Variants in FHIT observed in about 807,000 individuals in gnomAD.
FHIT encodes bis(5'-adenosyl)-triphosphatase.
In FHIT, 19 loss-of-function variants were observed where a neutral mutation model predicts 17.9. The observed-to-expected ratio is 1.06, with a 90% CI of 0.74 to 1.56. The LOEUF is 1.56. FHIT is among the 40% of genes most tolerant of loss of function. The probability of loss-of-function intolerance (pLI) is 0.00; values close to 1 mark genes in which losing one functional copy is unlikely to be tolerated. For synonymous variants in FHIT, 81 were observed against 69.7 expected (o/e 1.16, Z -0.81); for missense variants, 248 against 189.2 (o/e 1.31, Z -1.82).
chr3:59,972,843 A>G (rs575014533), intron 7 of FHIT, among the ~76,000 whole-genome samples: 3 of 152,214 alleles, frequency 2.0e-5, no homozygotes, highest in Admixed American at 2.0e-4. Flanking sequence ...ACAGAAGCAA[A>G]CCAGTATTTG....
intron 4 of FHIT, among the ~76,000 whole-genome samples, chr3:60,591,882 G>T (rs1248434854): frequency 6.6e-6 from 1 of 151,924 alleles, no homozygotes; most frequent in Admixed American, 6.6e-5. Flanking sequence ...ATGTGGCTTT[G>T]GGAGAAGAGA....
intron 7 of FHIT, among the ~76,000 whole-genome samples, chr3:59,953,753 T>G (rs1482850619): frequency 6.6e-6 from 1 of 152,204 alleles, no homozygotes; most frequent in Admixed American, 6.5e-5. Context: ...TCTCTGCATG[T>G]CAAAAACCTC....
rs148051966 is a variant in FHIT at position 60,775,782 on chromosome 3, T to C, written c.-18+46137A>G. On this transcript the variant is annotated intron_variant, in intron 4 of 9. Transcript: ENST00000492590. ...CAGCTGCCCACTGCTCCTCACTCCA[T>C]GCCGGGGCTGGGACACATGGCCTAA... 6.0e-3 allele frequency among the ~76,000 whole-genome samples: 906 copies of C among 152,256 alleles called. 12 individuals carry two copies. Among genetic ancestry groups the C allele is most frequent in the African/African-American group, 0.02 (844 of 41,552 alleles).
chr3:60,355,128 A>C (rs1699589978), intron 5 of FHIT, among the ~76,000 whole-genome samples: 1 of 152,222 alleles, frequency 6.6e-6, no homozygotes, highest in South Asian at 2.1e-4. Flanking sequence ...ACACACATGC[A>C]TACACAGAAT....
chr3:61,095,644 T>A (rs1017298306), intron 2 of FHIT, among the ~76,000 whole-genome samples: 2 of 151,964 alleles, frequency 1.3e-5, no homozygotes, highest in African/African-American at 2.4e-5. Flanking sequence ...CCTTAAAGCA[T>A]CTGTTTTAAA....
At chr3:59,822,779 T>G (rs756819456) in intron 8 of FHIT, among the ~76,000 whole-genome samples, 8 of 152,248 alleles carry the variant, frequency 5.3e-5, no homozygotes, top group Non-Finnish European at 1.2e-4. Flanking sequence ...CTGTTCCTTT[T>G]GCTGTGTAGA....
At chr3:60,546,581 A>G (rs2036373486) in intron 4 of FHIT, among the ~76,000 whole-genome samples, 1 of 152,188 alleles carries the variant, frequency 6.6e-6, no homozygotes, top group Non-Finnish European at 1.5e-5. Context: ...CTTGTTTACA[A>G]AGATGTAAGG....
At chr3:61,236,655 G>T (rs11918601) in intron 1 of FHIT, among the ~76,000 whole-genome samples, 1 of 152,274 alleles carries the variant, frequency 6.6e-6, no homozygotes, top group South Asian at 2.1e-4. Context: ...CTTGCATAAG[G>T]CAGTGGGAGA....
chr3:60,333,154 G>C (rs561648894), intron 5 of FHIT, among the ~76,000 whole-genome samples: 4 of 152,304 alleles, frequency 2.6e-5, no homozygotes, highest in Admixed American at 1.3e-4. Flanking sequence ...TAACAGAAAT[G>C]AAAGCGCATA....
At chr3:61,106,489 A>G (rs1010826201) in intron 2 of FHIT, among the ~76,000 whole-genome samples, 1 of 152,018 alleles carries the variant, frequency 6.6e-6, no homozygotes, top group African/African-American at 2.4e-5. Flanking sequence ...GGCAACAACC[A>G]TCATTCTACT....
rs772851929 is a variant in FHIT, at chr3:60,030,316, G to A, written c.104-16164C>T. Among the ~76,000 whole-genome samples the A allele has an allele frequency of 4.3e-4, 66 of 152,300 alleles. 1 individual carries two copies. The highest frequency in any genetic ancestry group is 3.8e-4 in the Non-Finnish European group (26 of 68,030). On this transcript the variant is annotated intron_variant, in intron 5 of 9. Transcript: ENST00000492590. Reference sequence around the variant, plus strand: ...CAAAAAACAGAATGCAGCTATAGCTGTATGTTTTCCTTCACAATGTTCCAC... The same window carrying A: ...CAAAAAACAGAATGCAGCTATAGCTATATGTTTTCCTTCACAATGTTCCAC...
chr3:60,428,829 G>A (rs773072335), intron 5 of FHIT, among the ~76,000 whole-genome samples: 3 of 152,070 alleles, frequency 2.0e-5, no homozygotes, highest in Non-Finnish European at 4.4e-5. Context: ...ACGGGAGAGA[G>A]GCAGATACTA....
chr3:60,313,998 C>A (rs918249480), intron 5 of FHIT, among the ~76,000 whole-genome samples: 1 of 152,190 alleles, frequency 6.6e-6, no homozygotes, highest in Non-Finnish European at 1.5e-5. Flanking sequence ...TTGGATAATG[C>A]AGATTTTGTG....
intron 5 of FHIT, among the ~76,000 whole-genome samples, chr3:60,141,525 TA>T (rs1013048874): frequency 6.6e-6 from 1 of 152,170 alleles, no homozygotes. Flanking sequence ...CACTCTCATC[TA>T]AAATGGCCTT....
At chr3:61,042,453 T>C (rs749307907) in intron 2 of FHIT, among the ~76,000 whole-genome samples, 2 of 152,164 alleles carry the variant, frequency 1.3e-5, no homozygotes, top group Non-Finnish European at 2.9e-5. Flanking sequence ...AAACTGGCCA[T>C]GAGCTGATTA....
intron 5 of FHIT, among the ~76,000 whole-genome samples, chr3:60,281,077 A>C (rs143160154): frequency 0.058 from 728 of 12,618 alleles, 4 homozygotes; most frequent in African/African-American, 0.13. Context: ...TGGAAATTGA[A>C]ATTAGAAGCA....
At chr3:60,402,788 C>G (rs910072357) in intron 5 of FHIT, among the ~76,000 whole-genome samples, 4 of 152,152 alleles carry the variant, frequency 2.6e-5, no homozygotes, top group African/African-American at 9.7e-5. Flanking sequence ...TTGGGAATAT[C>G]AGTCACTGTA....
intron 5 of FHIT, among the ~76,000 whole-genome samples, chr3:60,502,787 G>C (rs962129511): frequency 7.2e-5 from 11 of 152,198 alleles, no homozygotes; most frequent in African/African-American, 2.4e-4. Context: ...TTAAATTGGT[G>C]AATTGCACGG....
chr3:59,789,907 C>T lies in FHIT; in HGVS notation c.349-37586G>A, dbSNP rs562618369. ...ATCTGGCTTCCATTGAATAAAGAAT[C>T]GAAGCCACCACATAAAAGTGACTCT... On this transcript the variant is annotated intron_variant, in intron 8 of 9. Transcript: ENST00000492590. 4.6e-5 allele frequency among the ~76,000 whole-genome samples: 7 copies of T among 152,252 alleles called. No homozygotes were observed. In the South Asian group the frequency reaches 8.3e-4, roughly 18 times the overall value.
Sources: allele counts gnomAD v4.1 joint callset (sites outside exome capture counted in the v4.1 genomes callset), GRCh38; gene constraint gnomAD v4.1.1; transcripts MANE v1.5; gene names NCBI Gene and HGNC (gene_info 2026-07-23, HGNC 2026-07-21).